The following ANKIB1 variants were observed in gnomAD, a reference collection of about 807,000 sequenced individuals.
ANKIB1 encodes ankyrin repeat and IBR domain containing 1.
Under a neutral mutation model 122.1 loss-of-function variants are expected in ANKIB1, and 43 were observed. The observed-to-expected ratio is 0.35, with a 90% CI of 0.28 to 0.45. The LOEUF (loss-of-function observed/expected upper bound fraction) is 0.45, where lower values mean the gene tolerates loss of function less well. ANKIB1 is among the 20% of genes least tolerant of loss of function. ANKIB1 has a pLI of 1.00. For synonymous variants in ANKIB1, 390 were observed against 442.0 expected, an observed-to-expected ratio of 0.88 and a Z score of 1.48; for missense variants, 992 against 1,329.5, an observed-to-expected ratio of 0.75 and a Z score of 3.95.
intron 1 of ANKIB1, among the ~76,000 whole-genome samples, chr7:92,289,481 C>G (rs1432576963): frequency 6.6e-6 from 1 of 152,222 alleles, no homozygotes; most frequent in African/African-American, 2.4e-5. Flanking sequence ...AGATAACAAG[C>G]TGACTTCCAC....
At position 92,259,453 on chromosome 7, in the gene ANKIB1, T is replaced by C. The variant is rs187040111; in HGVS notation, c.-91+12934T>C. Among the ~76,000 whole-genome samples the C allele has an allele frequency of 5.9e-5, 9 of 152,324 alleles. No individual in the cohort carries two copies. The East Asian group carries it at 1.7e-3, about 29-fold the overall frequency. On this transcript the variant is annotated intron_variant, in intron 1 of 19. Transcript: ENST00000265742. ...TTTTTTGTATTCAATTTGATATCTG[T>C]ATATTAAATAATTTATGATTTTGAA...
chr7:92,348,543 G>A (rs560955211), intron 7 of ANKIB1, among the ~76,000 whole-genome samples: 2 of 152,182 alleles, frequency 1.3e-5, no homozygotes, highest in African/African-American at 2.4e-5. Flanking sequence ...CCGGCACCAT[G>A]CCAAGCTAAT....
intron 10 of ANKIB1, among the ~76,000 whole-genome samples, chr7:92,363,347 A>G (rs1404802261): frequency 6.6e-6 from 1 of 151,900 alleles, no homozygotes; most frequent in Non-Finnish European, 1.5e-5. Flanking sequence ...GGAGGTGGAG[A>G]TTGCAGTGAG....
chr7:92,386,359 C>A, intron 11 of ANKIB1, 150 bp from the exon 12 acceptor site: 1 of 762,524 alleles, frequency 1.3e-6, no homozygotes, highest in Non-Finnish European at 1.9e-6. Flanking sequence ...CTCCAGAGGA[C>A]ACATGAGAAA....
intron 10 of ANKIB1, among the ~76,000 whole-genome samples, chr7:92,365,270 G>A (rs893805317): frequency 6.6e-6 from 1 of 152,156 alleles, no homozygotes; most frequent in Non-Finnish European, 1.5e-5. Context: ...GACAAAGAAA[G>A]AGGAGGCCAA....
Position 92,386,610 on chromosome 7 carries a change from C to T in ANKIB1, c.1719C>T (p.His573=), listed in dbSNP as rs1318458041. ...GTACTCGCTATGAAGTCATTCAACACGTGGAGGAGCAATCCAAGGAAATGA... is the reference window on the plus strand; with the variant it reads ...GTACTCGCTATGAAGTCATTCAACATGTGGAGGAGCAATCCAAGGAAATGA... ...YRCTRYEVIQ[H]VEEQSKEMTV... The change falls in exon 12 of 20, where the codon CAC becomes CAT. Residue 573 remains histidine (H), a synonymous_variant. Transcript: ENST00000265742. 6 of 1,603,870 alleles carry T rather than the reference C, an allele frequency of 3.7e-6. No individual in the cohort carries two copies. The highest frequency in any genetic ancestry group is 1.3e-5 in the African/African-American group (1 of 74,738).
At chr7:92,315,285 C>T (rs181924841) in intron 3 of ANKIB1, among the ~76,000 whole-genome samples, 2 of 152,166 alleles carry the variant, frequency 1.3e-5, no homozygotes, top group East Asian at 3.9e-4. Context: ...ATTTAGAAGG[C>T]TAGATATTGA....
intron 7 of ANKIB1, among the ~76,000 whole-genome samples, chr7:92,346,436 A>C (rs1162540815): frequency 6.6e-6 from 1 of 152,148 alleles, no homozygotes; most frequent in African/African-American, 2.4e-5. Context: ...TCTGTTTTCC[A>C]AATTGGAGTA....
intron 2 of ANKIB1, among the ~76,000 whole-genome samples, chr7:92,299,637 A>C (rs1802421824): frequency 6.6e-6 from 1 of 152,218 alleles, no homozygotes; most frequent in South Asian, 2.1e-4. Context: ...GCTGTCTTCC[A>C]TTAGACTAGA....
chr7:92,366,421 T>C (rs905966142), intron 10 of ANKIB1, among the ~76,000 whole-genome samples: 1 of 152,272 alleles, frequency 6.6e-6, no homozygotes, highest in East Asian at 1.9e-4. Flanking sequence ...ATCCCCAAAT[T>C]TGATCTATTA....
At chr7:92,286,850 C>T (rs148115876) in intron 1 of ANKIB1, among the ~76,000 whole-genome samples, 1 of 152,226 alleles carries the variant, frequency 6.6e-6, no homozygotes, top group East Asian at 1.9e-4. Flanking sequence ...ATGTGTACAT[C>T]TTCAAGGGTT....
In ANKIB1 at chr7:92,343,084, G is replaced by A; in HGVS notation, c.848G>A (p.Arg283Gln). 2.5e-6 allele frequency: 4 copies of A among 1,613,878 alleles called. No homozygotes were observed. The highest frequency in any genetic ancestry group is 1.3e-5 in the African/African-American group (1 of 75,010). Reference sequence around the variant, plus strand: ...TCCAACCCGGAGAACTGCTGCCAACGATCAGGTGTTCAAATGCCAACTCCA... The same window carrying A: ...TCCAACCCGGAGAACTGCTGCCAACAATCAGGTGTTCAAATGCCAACTCCA... The part of the protein sequence containing the change: ...WMSNPENCCQ[R>Q]SGVQMPTPPP... Residue 283 changes from arginine to glutamine, a missense_variant, in exon 6 of 20, where the codon CGA becomes CAA. Arg to Gln is a conservative substitution (Grantham distance 43). Coordinates refer to ENST00000265742, the MANE Select transcript of ANKIB1 (RefSeq NM_019004.2).
chr7:92,319,617 C>T, intron 4 of ANKIB1, 105 bp downstream of exon 4: 2 of 1,123,850 alleles, frequency 1.8e-6, no homozygotes, highest in South Asian at 1.5e-5. Context: ...TTCTTCTTTA[C>T]AGTATTCTAA....
chr7:92,319,837 A>G, intron 4 of ANKIB1: 1 of 212,898 alleles, frequency 4.7e-6, no homozygotes, highest in South Asian at 8.3e-5. Context: ...CAGGAGGCTG[A>G]GGCAAGAGGA....
chr7:92,365,244 T>C (rs1052528697), intron 10 of ANKIB1, among the ~76,000 whole-genome samples: 3 of 152,062 alleles, frequency 2.0e-5, no homozygotes, highest in South Asian at 2.1e-4. Context: ...TGTGATAACT[T>C]TTAGGGGAGG....
At chr7:92,354,115 C>T (rs899575180) in intron 9 of ANKIB1, among the ~76,000 whole-genome samples, 2 of 152,114 alleles carry the variant, frequency 1.3e-5, no homozygotes, top group Non-Finnish European at 2.9e-5. Flanking sequence ...TTGAGTTTGT[C>T]CCCATTCTCT....
At chr7:92,352,389 A>G in intron 8 of ANKIB1, 87 bp from the exon 9 acceptor site, 1 of 1,345,398 alleles carries the variant, frequency 7.4e-7, no homozygotes, top group Non-Finnish European at 1.0e-6. Context: ...TCTTTGCTTT[A>G]TAGTAAATTA....
chr7:92,352,631 C>T lies in ANKIB1; in HGVS notation c.1386C>T (p.His462=). 1 of 1,609,488 alleles carries T rather than the reference C, an allele frequency of 6.2e-7. No individual in the cohort carries two copies. The highest frequency in any genetic ancestry group is 8.5e-7 in the Non-Finnish European group (1 of 1,178,928). The change falls in exon 9 of 20, where the codon CAC becomes CAT. Residue 462 remains histidine (H), a synonymous_variant. Transcript: ENST00000265742. ...CTGCTGTTGATTGTGGAAAAGGACA[C>T]CTCTTCTGCTGGTTAGTATAAGACA... is the stretch of plus-strand genomic sequence containing the variant. ...RAPAVDCGKG[H]LFCWECLGEA...
rs1368976380 is a variant in ANKIB1, at chr7:92,398,488, C to G, written c.2809C>G (p.Leu937Val). The change falls in exon 20 of 20, where the codon CTG becomes GTG. Residue 937 changes from leucine to valine, a missense_variant. Leu to Val is a conservative substitution (Grantham distance 32). This residue lies in a region of ANKIB1 where 384 missense variants were observed against 412.0 expected (regional missense o/e 0.93). Transcript: ENST00000265742. ...AENDPFSTDT[L>V]SSHPLSEARS... ...GAATGACCCATTTTCAACTGACACC[C>G]TGAGCTCACACCCTCTCAGTGAGGC... 1.9e-6 allele frequency: 3 copies of G among 1,613,852 alleles called. No individual in the cohort carries two copies. In the Admixed American group the frequency reaches 5.0e-5, roughly 27 times the overall value.
Sources: gnomAD v4.1 joint callset for allele counts (sites outside exome capture counted in the v4.1 genomes callset) on GRCh38, gnomAD v4.1.1 for gene constraint, gnomAD v4.1.1 regional missense constraint, MANE v1.5 for transcripts, NCBI Gene and HGNC (gene_info 2026-07-23, HGNC 2026-07-21) for gene names.